Variants in MICALL2 observed in about 807,000 individuals in gnomAD.
The protein encoded by MICALL2 is MICAL-like protein 2.
In MICALL2, 111 loss-of-function variants were observed where a neutral mutation model predicts 91.1. That is an observed-to-expected ratio of 1.22 (90% CI 1.04 to 1.43). The LOEUF is 1.43. Ranked by LOEUF, MICALL2 falls within the 40% of genes most tolerant of loss-of-function variation. MICALL2 has a pLI of 0.00. For missense variants in MICALL2, 1,556 were observed against 1,236.0 expected, an observed-to-expected ratio of 1.26 and a Z score of -3.88; for synonymous variants, 694 against 525.3, an observed-to-expected ratio of 1.32 and a Z score of -4.39.
At position 1,445,094 on chromosome 7, in the gene MICALL2, G is replaced by C; in HGVS notation, c.976C>G (p.Arg326Gly). The stretch of plus-strand genomic sequence containing the variant: ...CCCTCCGTGGGAGTGGGGGCCAGGC[G>C]GCTCTCAGAGGGCCTGGCTGGGCTC... ...VRSPARPSES[R>G]LAPTPTEGKV... is the part of the protein sequence containing the mutation. Residue 326 changes from arginine to glycine, a missense_variant, in exon 6 of 17, where the codon CGC (arginine) becomes GGC (glycine). Arg to Gly is a moderately radical substitution (Grantham distance 125). Transcript: ENST00000297508. 6.4e-7 allele frequency: 1 copy of C among 1,552,318 alleles called. No homozygotes were observed. The highest frequency in any genetic ancestry group is 1.4e-5 in the African/African-American group (1 of 73,338).
At chr7:1,438,754 C>T (rs1780111405) in intron 10 of MICALL2, 86 bp downstream of exon 10, 10 of 1,516,648 alleles carry the variant, frequency 6.6e-6, no homozygotes, top group Non-Finnish European at 8.8e-6. Flanking sequence ...TGAATGCATC[C>T]TCCAAAGCCC....
rs200261695 is a variant in MICALL2, at chr7:1,446,725, C to T, written c.629G>A (p.Arg210Gln). The T allele has an allele frequency of 4.9e-5, 78 of 1,600,096 alleles. No homozygotes were observed. Among genetic ancestry groups the T allele is most frequent in the South Asian group, 2.2e-5 (2 of 89,152 alleles). ...AGGGCAGCCCCACCTGAAGCAGCTCCGGTGGTAAAGCCTCCCGTCGGCCAG... is the reference window on the plus strand; with the variant it reads ...AGGGCAGCCCCACCTGAAGCAGCTCTGGTGGTAAAGCCTCCCGTCGGCCAG... ...RHLADGRLYHRSCFRCKQCSC... is the reference protein window; with the variant it reads ...RHLADGRLYHQSCFRCKQCSC... Residue 210 changes from arginine to glutamine, a missense_variant, in exon 5 of 17, where the codon CGG becomes CAG. Transcript: ENST00000297508.
At position 1,439,916 on chromosome 7, in the gene MICALL2, CA is replaced by C; in HGVS notation, c.1966+8del. 6.9e-7 allele frequency: 1 copy of C among 1,451,346 alleles called. No homozygotes were observed. Among genetic ancestry groups the C allele is most frequent in the Non-Finnish European group, 9.0e-7 (1 of 1,107,330 alleles). The allele number at this position is 1,451,346 out of a possible 1,614,324, so 89.9% of individuals were successfully genotyped here. On this transcript the variant is annotated splice_region_variant and intron_variant, in intron 9 of 16. Transcript: ENST00000297508. ...AACCCGGGGGCCCCTGGGTCCCGTCCAGGAGTACCTGGGAGGCTGGGTCCTG... is the reference window on the plus strand; with the variant it reads ...AACCCGGGGGCCCCTGGGTCCCGTCCGGAGTACCTGGGAGGCTGGGTCCTG...
At chr7:1,453,037 C>T (rs1281214814) in intron 1 of MICALL2, among the ~76,000 whole-genome samples, 2 of 151,848 alleles carry the variant, frequency 1.3e-5, no homozygotes, top group African/African-American at 4.8e-5. Context: ...CCCCCGGGGC[C>T]CCTGAGCAGC....
chr7:1,436,625 C>G, intron 15 of MICALL2, 117 bp downstream of exon 15: 1 of 643,328 alleles, frequency 1.6e-6, no homozygotes, highest in Non-Finnish European at 2.5e-6. Flanking sequence ...TACCAGTCAG[C>G]ATAGACAATA....
rs1400293209 is a variant in MICALL2, at chr7:1,442,429, G to A, written c.1474C>T (p.Gln492Ter). ...AACGGCTTGGCTAAGGGACTTGCTT[G>A]TGGTGCTTCAGTTTTGGGCTGAGAA... ...PSSQPKTEAP[Q>*]ASPLAKPLQS... Residue 492 changes from glutamine to a stop codon, truncating the protein, a stop_gained, in exon 7 of 17, where the codon CAA (glutamine) becomes TAA (stop). Transcript: ENST00000297508. LOFTEE classifies it high-confidence loss of function. The A allele has an allele frequency of 1.3e-6, 2 of 1,567,518 alleles. No individual in the cohort carries two copies. The highest frequency in any genetic ancestry group is 1.8e-5 in the Admixed American group (1 of 54,846).
chr7:1,438,166 C>G lies in MICALL2; in HGVS notation c.2242G>C (p.Glu748Gln), dbSNP rs947046267. ...EEIQRQLQDIERRLDALELRG... is the reference protein window; with the variant it reads ...EEIQRQLQDIQRRLDALELRG... ...AGCTCCAGGGCGTCCAGCCGCCTCT[C>G]GATGTCCTGCAGCTGCCTCTGTATC... The change falls in exon 12 of 17, where the codon GAG (glutamate) becomes CAG (glutamine). Residue 748 changes from glutamate (E) to glutamine (Q), a missense_variant. By Grantham distance (29) the Glu-to-Gln change is conservative (BLOSUM62 2). Transcript: ENST00000297508. The G allele has an allele frequency of 2.6e-6, 4 of 1,566,382 alleles. No individual in the cohort carries two copies. The Admixed American group carries it at 5.6e-5, about 22-fold the overall frequency.
chr7:1,450,427 C>A (rs2128524522), intron 1 of MICALL2, 139 bp from the exon 2 acceptor site: 1 of 731,696 alleles, frequency 1.4e-6, no homozygotes, highest in East Asian at 2.6e-5. Flanking sequence ...TGGCACAGGA[C>A]CACAGGTGGG....
chr7:1,448,802 C>A lies in MICALL2; in HGVS notation c.193-41G>T, dbSNP rs778507380. The A allele has an allele frequency of 5.6e-6, 9 of 1,606,932 alleles. No individual in the cohort carries two copies. In the Admixed American group the frequency reaches 1.5e-4, roughly 27 times the overall value. ...GGGGGTCAGCGGGGCAGCTGGGAGC[C>A]CCCTCCTTCTCCACCAGGCCGCAGC... On this transcript the variant is annotated intron_variant, in intron 2 of 16. Transcript: ENST00000297508.
Position 1,434,981 on chromosome 7 carries a change from A to ACCC in MICALL2, c.2638+117_2638+119dup. On this transcript the variant is annotated intron_variant, in intron 16 of 16. Transcript: ENST00000297508. ...ACCAAGGCTGAGGGGGGGACCCGAT[A>ACCC]CCCGCCCCCCCCCCACCCCCAGCTG... The ACCC allele has an allele frequency of 3.5e-5, 13 of 372,296 alleles. 1 individual carries two copies. Among genetic ancestry groups the ACCC allele is most frequent in the East Asian group, 6.1e-5 (1 of 16,318 alleles). The allele number at this position is 372,296 out of a possible 1,614,324, so 23.1% of individuals were successfully genotyped here. A position where few individuals can be genotyped will look rare whatever the true frequency, so the allele number is the denominator to read the frequency against.
intron 4 of MICALL2, 113 bp downstream of exon 4, chr7:1,447,462 G>A (rs1031840904): frequency 2.5e-5 from 16 of 643,048 alleles, no homozygotes; most frequent in Non-Finnish European, 3.7e-5. Flanking sequence ...TGGGGGAGCC[G>A]CACCCCACTC....
rs1366677823 is a variant in MICALL2, at chr7:1,442,190, A to AC, written c.1711+1dup. 1 of 1,611,836 alleles carries AC rather than the reference A, an allele frequency of 6.2e-7. No homozygotes were observed. The highest frequency in any genetic ancestry group is 1.1e-5 in the South Asian group (1 of 91,046). On this transcript the variant is annotated splice_donor_variant, in intron 7 of 16. Transcript: ENST00000297508. LOFTEE classifies it high-confidence loss of function. The stretch of plus-strand genomic sequence containing the variant: ...CCTCCTGCCTCCCAGCCCCTTACTC[A>AC]CCCTGCGTTAAGGTGGTGCTTTTAC...
At chr7:1,438,589 C>A in intron 10 of MICALL2, 5 of 1,422,502 alleles carry the variant, frequency 3.5e-6, no homozygotes, top group Admixed American at 5.8e-5. Context: ...ACCCCAGCCA[C>A]CCCAGTCCCT....
rs1020876271 is a variant in MICALL2, at chr7:1,439,842, T to C, written c.1966+83A>G. 4 of 1,229,648 alleles carry C rather than the reference T, an allele frequency of 3.3e-6. No individual in the cohort carries two copies. In the Admixed American group the frequency reaches 1.6e-4, roughly 48 times the overall value. The allele number at this position is 1,229,648 out of a possible 1,614,324, so 76.2% of individuals were successfully genotyped here. On this transcript the variant is annotated intron_variant, in intron 9 of 16. Coordinates refer to ENST00000297508, the MANE Select transcript of MICALL2 (RefSeq NM_182924.4). Reference sequence around the variant, plus strand: ...CTCCGCACACCCCAGGAGGTGGCACTACAGGTCCAGTCCCGGGGCCCCCAC... The same window carrying C: ...CTCCGCACACCCCAGGAGGTGGCACCACAGGTCCAGTCCCGGGGCCCCCAC...
intron 1 of MICALL2, among the ~76,000 whole-genome samples, chr7:1,455,928 G>A (rs538031369): frequency 4.6e-5 from 7 of 152,096 alleles, no homozygotes; most frequent in Admixed American, 1.3e-4. Context: ...CCTCAGAGCT[G>A]CCCTGAGAGG....
At chr7:1,455,767 AG>A (rs1780992860) in intron 1 of MICALL2, among the ~76,000 whole-genome samples, 1 of 151,994 alleles carries the variant, frequency 6.6e-6, no homozygotes, top group African/African-American at 2.4e-5. Flanking sequence ...TGCGTGCAGC[AG>A]GAAGGACTAA....
rs1491496919 is a variant in MICALL2 at position 1,437,517 on chromosome 7, GGC to G, written c.2476+16_2476+17del. 18 of 1,506,126 alleles carry G rather than the reference GGC, an allele frequency of 1.2e-5. No individual in the cohort carries two copies. The Admixed American group carries it at 3.7e-4, about 31-fold the overall frequency. The allele number at this position is 1,506,126 out of a possible 1,614,324, so 93.3% of individuals were successfully genotyped here. On this transcript the variant is annotated intron_variant, in intron 14 of 16. Transcript: ENST00000297508. ...CATCCCTGGCTGGGGCCCCTTGGCT[GGC>G]GCGCGGGGGACGCACCGGGCTTGGC...
chr7:1,453,788 C>T (rs979960416), intron 1 of MICALL2, among the ~76,000 whole-genome samples: 5 of 152,130 alleles, frequency 3.3e-5, no homozygotes, highest in Non-Finnish European at 7.3e-5. Context: ...TACCATGGCC[C>T]GGCTCCAAGA....
At chr7:1,439,470 T>G in intron 9 of MICALL2, 1 of 182,362 alleles carries the variant, frequency 5.5e-6, no homozygotes. Context: ...TGAACACAGA[T>G]GTACACATGG....
Sources: allele counts gnomAD v4.1 joint callset (sites outside exome capture counted in the v4.1 genomes callset), GRCh38; gene constraint gnomAD v4.1.1; transcripts MANE v1.5; gene names NCBI Gene and HGNC (gene_info 2026-07-23, HGNC 2026-07-21).